Variants in MYH16 observed in about 807,000 individuals in gnomAD.
MYH16 encodes myosin heavy chain 16.
At chr7:99,276,257 G>A (rs1376915990) in intron 20 of MYH16, among the ~76,000 whole-genome samples, 1 of 152,254 alleles carries the variant, frequency 6.6e-6, no homozygotes, top group Non-Finnish European at 1.5e-5. Flanking sequence ...GGCTGGCAAT[G>A]AACGAGGTTT....
At chr7:99,290,499 A>AG (rs1243629037) in intron 30 of MYH16, among the ~76,000 whole-genome samples, 2 of 148,596 alleles carry the variant, frequency 1.3e-5, no homozygotes, top group African/African-American at 5.1e-5. Flanking sequence ...AAAAAAAAAA[A>AG]AAAAAAAAAT....
At chr7:99,277,914 TGTGA>T (rs754308378) in intron 21 of MYH16, among the ~76,000 whole-genome samples, 80 of 131,444 alleles carry the variant, frequency 6.1e-4, no homozygotes, top group South Asian at 1.0e-3. Flanking sequence ...TGTGTGTGTG[TGTGA>T]GAGAGAGAGA....
chr7:99,259,645 A>G (rs1375408238), intron 11 of MYH16, among the ~76,000 whole-genome samples: 2 of 151,350 alleles, frequency 1.3e-5, no homozygotes, highest in Non-Finnish European at 2.9e-5. Context: ...TTTAGTAGAG[A>G]TGGGGTTTTA....
intron 1 of MYH16, among the ~76,000 whole-genome samples, chr7:99,240,626 A>G (rs865844033): frequency 6.6e-6 from 1 of 152,146 alleles, no homozygotes; most frequent in African/African-American, 2.4e-5. Flanking sequence ...CGATACAGGC[A>G]GATCGCTTGA....
chr7:99,300,581 T>C (rs1169282030), intron 37 of MYH16, among the ~76,000 whole-genome samples: 3 of 152,154 alleles, frequency 2.0e-5, no homozygotes, highest in East Asian at 1.9e-4. Context: ...AGAGAGAGGA[T>C]TGCTTGACGC....
chr7:99,259,604 G>A (rs1025350458), intron 11 of MYH16, among the ~76,000 whole-genome samples: 2 of 151,646 alleles, frequency 1.3e-5, no homozygotes, highest in Non-Finnish European at 2.9e-5. Context: ...GATTACAGGC[G>A]TGCGCCACCA....
chr7:99,301,624 G>C (rs1321126808), exon 38 of MYH16: 2 of 153,156 alleles, frequency 1.3e-5, no homozygotes, highest in Non-Finnish European at 2.9e-5. Flanking sequence ...AGATGGACGA[G>C]GATGCCAGGC....
intron 18 of MYH16, among the ~76,000 whole-genome samples, chr7:99,268,983 C>A (rs948260783): frequency 5.3e-5 from 8 of 152,102 alleles, no homozygotes; most frequent in Non-Finnish European, 8.8e-5. Context: ...GAGGGGAAGC[C>A]TAGGTCCCCC....
In MYH16 at chr7:99,268,146, G is replaced by T. The variant is rs774569755; in HGVS notation, n.2266+1172G>T. On this transcript the variant is annotated intron_variant and non_coding_transcript_variant, in intron 18 of 41. Transcript: ENST00000439784. ...TATAATACTCTGTGTGTGTGGAATT[G>T]TAACACTGCCCTAGAACCTGCTGGA... is the stretch of plus-strand genomic sequence containing the variant. 3.3e-5 allele frequency among the ~76,000 whole-genome samples: 5 copies of T among 152,214 alleles called. 1 individual carries two copies. In the South Asian group the frequency reaches 1.0e-3, roughly 32 times the overall value.
At chr7:99,260,102 T>A in intron 11 of MYH16, 1 of 1,445,192 alleles carries the variant, frequency 6.9e-7, no homozygotes, top group Non-Finnish European at 9.6e-7. Context: ...CTTCATTCAA[T>A]CCTGGGAGAG....
At chr7:99,279,628 C>T (rs1792173098) in exon 22 of MYH16, 1 of 456,604 alleles carries the variant, frequency 2.2e-6, no homozygotes, top group Non-Finnish European at 4.4e-6. Context: ...GAGGGCATGG[C>T]GGCCTCACTG....
chr7:99,271,289 G>A (rs1792043009), intron 19 of MYH16, among the ~76,000 whole-genome samples: 1 of 152,140 alleles, frequency 6.6e-6, no homozygotes, highest in Non-Finnish European at 1.5e-5. Flanking sequence ...CGGGCGGATT[G>A]CCTGAGGTCG....
At chr7:99,274,100 G>A (rs899328366) in intron 20 of MYH16, among the ~76,000 whole-genome samples, 1 of 152,222 alleles carries the variant, frequency 6.6e-6, no homozygotes, top group Non-Finnish European at 1.5e-5. Context: ...AGAGCTGGGG[G>A]AACCTCAGGA....
intron 18 of MYH16, among the ~76,000 whole-genome samples, chr7:99,267,131 T>C (rs2030196087): frequency 6.6e-6 from 1 of 152,212 alleles, no homozygotes; most frequent in South Asian, 2.1e-4. Flanking sequence ...AAAATCAAGA[T>C]TGGTCATGCC....
At chr7:99,289,679 C>G (rs1792340332) in intron 30 of MYH16, among the ~76,000 whole-genome samples, 1 of 152,212 alleles carries the variant, frequency 6.6e-6, no homozygotes, top group South Asian at 2.1e-4. Context: ...AATTTTCAAA[C>G]ATTTTTAAAC....
chr7:99,255,774 C>T (rs1791864832), intron 9 of MYH16: 1 of 152,514 alleles, frequency 6.6e-6, no homozygotes, highest in Admixed American at 6.5e-5. Context: ...GCAGTGGGGA[C>T]AGGAGCCCAC....
intron 2 of MYH16, among the ~76,000 whole-genome samples, chr7:99,244,438 A>G (rs1014973550): frequency 3.3e-5 from 5 of 152,230 alleles, no homozygotes; most frequent in African/African-American, 1.2e-4. Context: ...GGGTTGTCTA[A>G]GGACGTGTTG....
At chr7:99,281,711 C>T (rs566628535) in intron 23 of MYH16, among the ~76,000 whole-genome samples, 1 of 152,314 alleles carries the variant, frequency 6.6e-6, no homozygotes, top group Admixed American at 6.5e-5. Flanking sequence ...ACTGTGGCAA[C>T]AACAGGCCAT....
rs528065216 is a variant in MYH16, at chr7:99,287,817, G to A, written n.3461-75G>A. 2.6e-4 allele frequency: 109 copies of A among 414,090 alleles called. 1 individual carries two copies. Among genetic ancestry groups the A allele is most frequent in the South Asian group, 1.4e-3 (83 of 59,900 alleles). The allele number at this position is 414,090 out of a possible 1,614,324, so 25.7% of individuals were successfully genotyped here. ...GGTACAGGAATATCAGGGGACCACC[G>A]AGCAGCTGGGCGGTGTCCACCCGGA... On this transcript the variant is annotated intron_variant and non_coding_transcript_variant, in intron 28 of 41. Coordinates refer to ENST00000439784, the Ensembl canonical transcript of MYH16.
Sources: gnomAD v4.1 joint callset for allele counts (sites outside exome capture counted in the v4.1 genomes callset) on GRCh38, gnomAD v4.1.1 for gene constraint, MANE v1.5 for transcripts, NCBI Gene and HGNC (gene_info 2026-07-23, HGNC 2026-07-21) for gene names.